The following FSTL4 variants were observed in gnomAD, a reference collection of about 807,000 sequenced individuals.
FSTL4 encodes the protein follistatin-related protein 4.
A neutral mutation model predicts 78.2 loss-of-function variants in FSTL4; 28 were observed. The observed-to-expected ratio is 0.36, with a 90% confidence interval of 0.27 to 0.49. FSTL4 has a LOEUF of 0.49. FSTL4 is among the 20% of genes least tolerant of loss of function. FSTL4 has a pLI of 0.98. For synonymous variants in FSTL4, 422 were observed against 440.5 expected (o/e 0.96, Z 0.53); for missense variants, 922 against 1,084.9 (o/e 0.85, Z 2.11).
At chr5:133,270,458 A>G (rs1435301927) in intron 6 of FSTL4, among the ~76,000 whole-genome samples, 7 of 152,206 alleles carry the variant, frequency 4.6e-5, no homozygotes, top group Non-Finnish European at 7.3e-5. Context: ...TGTGCCACAG[A>G]ATGTATTAGC....
At chr5:133,508,999 C>G (rs1400500759) in intron 3 of FSTL4, among the ~76,000 whole-genome samples, 1 of 152,148 alleles carries the variant, frequency 6.6e-6, no homozygotes, top group Non-Finnish European at 1.5e-5. Flanking sequence ...AAGCATACCT[C>G]TAGAAGCACA....
intron 4 of FSTL4, among the ~76,000 whole-genome samples, chr5:133,326,603 G>A (rs529071413): frequency 5.9e-5 from 9 of 152,314 alleles, no homozygotes; most frequent in South Asian, 2.1e-4. Flanking sequence ...AAGCCCGCCC[G>A]CAGAGCTTGC....
intron 4 of FSTL4, among the ~76,000 whole-genome samples, chr5:133,345,897 C>A (rs1463489055): frequency 1.3e-5 from 2 of 152,152 alleles, no homozygotes; most frequent in African/African-American, 4.8e-5. Flanking sequence ...TGGGTATATA[C>A]CCAAAGGACT....
chr5:133,504,752 G>C (rs1157623238), intron 3 of FSTL4, among the ~76,000 whole-genome samples: 1 of 152,182 alleles, frequency 6.6e-6, no homozygotes, highest in East Asian at 1.9e-4. Flanking sequence ...TCAGCTACCA[G>C]CTCTTGGCCT....
intron 2 of FSTL4, among the ~76,000 whole-genome samples, chr5:133,591,359 G>C (rs989491972): frequency 1.3e-5 from 2 of 152,180 alleles, no homozygotes; most frequent in Non-Finnish European, 2.9e-5. Context: ...GCCAACCCCT[G>C]CTCTGAAGAT....
intron 2 of FSTL4, among the ~76,000 whole-genome samples, chr5:133,574,601 T>C (rs1760234378): frequency 6.6e-6 from 1 of 152,238 alleles, no homozygotes; most frequent in Non-Finnish European, 1.5e-5. Context: ...CCTAAGTAAA[T>C]GTCCAACAGA....
intron 3 of FSTL4, among the ~76,000 whole-genome samples, chr5:133,471,422 G>GA (rs1000889209): frequency 1.8e-4 from 27 of 152,162 alleles, no homozygotes; most frequent in African/African-American, 6.3e-4. Flanking sequence ...ATGGTATTAG[G>GA]ATGTGGGGCC....
chr5:133,309,633 C>A (rs1205751012), intron 6 of FSTL4, among the ~76,000 whole-genome samples: 1 of 152,094 alleles, frequency 6.6e-6, no homozygotes, highest in Non-Finnish European at 1.5e-5. Context: ...CATGGCCCAG[C>A]CAGGGCCAGG....
intron 4 of FSTL4, among the ~76,000 whole-genome samples, chr5:133,378,846 G>A (rs372209025): frequency 6.6e-6 from 1 of 151,924 alleles, no homozygotes; most frequent in Admixed American, 6.6e-5. Context: ...AAAGCACTGA[G>A]GGAGAAACAG....
At chr5:133,283,788 G>A (rs1011678939) in intron 6 of FSTL4, among the ~76,000 whole-genome samples, 1 of 152,180 alleles carries the variant, frequency 6.6e-6, no homozygotes, top group South Asian at 2.1e-4. Flanking sequence ...CTGAGACTGG[G>A]TTATTGATGA....
the FSTL4 span, among the ~76,000 whole-genome samples, chr5:133,836,513 T>G: frequency 4.6e-5 from 7 of 152,196 alleles, no homozygotes; most frequent in Non-Finnish European, 1.0e-4. Context: ...CATAGTCAGA[T>G]TTTTACCCAT....
At chr5:133,750,882 A>G in the FSTL4 span, among the ~76,000 whole-genome samples, 3 of 152,206 alleles carry the variant, frequency 2.0e-5, no homozygotes, top group African/African-American at 7.2e-5. Context: ...ATGCTGACCA[A>G]GGTCAGAAGT....
chr5:133,740,899 T>C, the FSTL4 span, among the ~76,000 whole-genome samples: 1 of 152,056 alleles, frequency 6.6e-6, no homozygotes, highest in Admixed American at 6.5e-5. Context: ...TGAATCCTAA[T>C]CTTTCCTTTT....
intron 1 of FSTL4, among the ~76,000 whole-genome samples, chr5:133,610,732 A>C (rs1761072189): frequency 6.6e-6 from 1 of 152,190 alleles, no homozygotes; most frequent in Non-Finnish European, 1.5e-5. Context: ...AGGCACAGAA[A>C]CTGGCGCCTG....
intron 8 of FSTL4, 48 bp downstream of exon 8, chr5:133,233,369 G>A: frequency 6.2e-7 from 1 of 1,609,200 alleles, no homozygotes; most frequent in Non-Finnish European, 8.5e-7. Context: ...CTGAGCAGCA[G>A]TTTGGGGAGG....
the FSTL4 span, among the ~76,000 whole-genome samples, chr5:133,830,440 C>T: frequency 3.9e-5 from 6 of 152,296 alleles, no homozygotes; most frequent in South Asian, 1.0e-3. Context: ...GCCACCATTG[C>T]CAACAAGGGC....
chr5:133,562,919 C>G (rs1249456623), intron 3 of FSTL4, among the ~76,000 whole-genome samples: 2 of 152,180 alleles, frequency 1.3e-5, no homozygotes, highest in Admixed American at 1.3e-4. Context: ...TCGCAATCAG[C>G]ATTGGCCCTC....
the FSTL4 span, among the ~76,000 whole-genome samples, chr5:133,693,894 A>G: frequency 6.6e-6 from 1 of 152,152 alleles, no homozygotes; most frequent in Admixed American, 6.5e-5. Flanking sequence ...TCTGGGCCCC[A>G]GCCAACTGGT....
chr5:133,680,922 T>C, the FSTL4 span, among the ~76,000 whole-genome samples: 1 of 101,442 alleles, frequency 9.9e-6, no homozygotes, highest in Non-Finnish European at 2.5e-5. Context: ...ATGCAGCTCA[T>C]CATGGGCACA....
Sources: allele counts gnomAD v4.1 joint callset (sites outside exome capture counted in the v4.1 genomes callset), GRCh38; gene constraint gnomAD v4.1.1; transcripts MANE v1.5; gene names NCBI Gene and HGNC (gene_info 2026-07-23, HGNC 2026-07-21).